Variants in CCSER2 observed in about 807,000 individuals in gnomAD.
The protein encoded by CCSER2 is serine-rich coiled-coil domain-containing protein 2.
A neutral mutation model predicts 92.3 loss-of-function variants in CCSER2; 46 were observed. That is an observed-to-expected ratio of 0.50 (90% CI 0.39 to 0.64). The LOEUF is 0.64. Among genes scored for constraint, CCSER2 ranks in the 30% least tolerant of loss-of-function variants. The pLI is 0.00. For missense variants in CCSER2, 1,244 were observed against 1,238.9 expected (o/e 1.00, Z -0.06); for synonymous variants, 433 against 431.4 (o/e 1.00, Z -0.04).
chr10:84,506,902 A>T (rs1051621280), intron 9 of CCSER2, among the ~76,000 whole-genome samples: 1 of 152,158 alleles, frequency 6.6e-6, no homozygotes, highest in African/African-American at 2.4e-5. Context: ...CCTCCTTCAT[A>T]AGAGGTTACT....
chr10:84,409,620 A>G (rs1483773296), intron 3 of CCSER2, among the ~76,000 whole-genome samples: 1 of 151,982 alleles, frequency 6.6e-6, no homozygotes, highest in Non-Finnish European at 1.5e-5. Context: ...TCTTTAACAC[A>G]GAACTATGTT....
intron 8 of CCSER2, among the ~76,000 whole-genome samples, chr10:84,472,209 C>T (rs1234229934): frequency 1.3e-5 from 2 of 152,044 alleles, no homozygotes; most frequent in African/African-American, 4.8e-5. Context: ...AAAGCAAAAT[C>T]CAGTAACTTG....
chr10:84,447,742 A>G (rs764171927), intron 6 of CCSER2, among the ~76,000 whole-genome samples: 2 of 152,022 alleles, frequency 1.3e-5, no homozygotes, highest in Non-Finnish European at 1.5e-5. Flanking sequence ...GTCCACTTTT[A>G]TTTGTTTTTA....
At position 84,508,267 on chromosome 10, in the gene CCSER2, G is replaced by A. The variant is rs548727558; in HGVS notation, c.2326-5182G>A. Among the ~76,000 whole-genome samples the A allele has an allele frequency of 2.0e-5, 3 of 152,282 alleles. No individual in the cohort carries two copies. The South Asian group carries it at 6.2e-4, about 32-fold the overall frequency. ...AGAGATCATGCATGCAGACTCAAGA[G>A]TTTGAATCTATACCCTTGGAAAGAA... On this transcript the variant is annotated intron_variant, in intron 9 of 9. Transcript: ENST00000372088.
chr10:84,387,574 G>C (rs995040613), intron 3 of CCSER2, among the ~76,000 whole-genome samples: 1 of 151,890 alleles, frequency 6.6e-6, no homozygotes, highest in Non-Finnish European at 1.5e-5. Flanking sequence ...TGTGGCCCAG[G>C]CTGGAGTGCA....
At chr10:84,485,957 T>C (rs1282760402) in intron 9 of CCSER2, among the ~76,000 whole-genome samples, 1 of 152,190 alleles carries the variant, frequency 6.6e-6, no homozygotes, top group Non-Finnish European at 1.5e-5. Context: ...AGTGTTCTCA[T>C]TGTTCAATTC....
At chr10:84,422,696 G>C (rs1411710133) in intron 4 of CCSER2, among the ~76,000 whole-genome samples, 1 of 152,060 alleles carries the variant, frequency 6.6e-6, no homozygotes, top group Non-Finnish European at 1.5e-5. Flanking sequence ...ATTCCTTATG[G>C]TATTACACAC....
chr10:84,365,469 A>G (rs1447170702), intron 1 of CCSER2, among the ~76,000 whole-genome samples: 4 of 152,258 alleles, frequency 2.6e-5, no homozygotes, highest in Non-Finnish European at 5.9e-5. Context: ...TAAACTTCAT[A>G]GTGGAGCTGT....
chr10:84,466,065 T>C (rs949304540), intron 7 of CCSER2, among the ~76,000 whole-genome samples: 3 of 152,212 alleles, frequency 2.0e-5, no homozygotes, highest in Non-Finnish European at 4.4e-5. Flanking sequence ...TTACACAGTA[T>C]TTATTTCTTG....
chr10:84,437,064 A>G (rs1211596950), intron 5 of CCSER2, among the ~76,000 whole-genome samples: 1 of 152,038 alleles, frequency 6.6e-6, no homozygotes, highest in Non-Finnish European at 1.5e-5. Flanking sequence ...TTATTTCTTG[A>G]AATTTTGCTA....
intron 9 of CCSER2, among the ~76,000 whole-genome samples, chr10:84,489,106 G>A (rs1442845503): frequency 6.6e-6 from 1 of 152,188 alleles, no homozygotes; most frequent in Non-Finnish European, 1.5e-5. Context: ...CTGAGAGACT[G>A]TTTGTTATAG....
At chr10:84,399,639 C>T (rs1842013246) in intron 3 of CCSER2, among the ~76,000 whole-genome samples, 1 of 152,024 alleles carries the variant, frequency 6.6e-6, no homozygotes, top group Non-Finnish European at 1.5e-5. Flanking sequence ...TCTTTTAAAT[C>T]TGGAAAATGT....
intron 3 of CCSER2, among the ~76,000 whole-genome samples, chr10:84,405,388 A>G (rs531589197): frequency 2.0e-4 from 30 of 152,324 alleles, no homozygotes; most frequent in African/African-American, 6.0e-4. Context: ...TTAAAATACT[A>G]TGACCTGGAG....
chr10:84,379,646 C>T (rs955142304), intron 3 of CCSER2, among the ~76,000 whole-genome samples: 2 of 152,010 alleles, frequency 1.3e-5, no homozygotes, highest in African/African-American at 4.8e-5. Context: ...ATTGTGAATT[C>T]TAAGGCATGT....
At chr10:84,432,436 C>G (rs750096885) in intron 5 of CCSER2, among the ~76,000 whole-genome samples, 17 of 152,168 alleles carry the variant, frequency 1.1e-4, no homozygotes, top group Non-Finnish European at 2.4e-4. Context: ...TCCCCAGCGT[C>G]TGTGTTACCA....
chr10:84,354,459 C>G (rs1355854280), intron 1 of CCSER2, among the ~76,000 whole-genome samples: 1 of 152,110 alleles, frequency 6.6e-6, no homozygotes, highest in Non-Finnish European at 1.5e-5. Flanking sequence ...TTTGACACTA[C>G]TGCTTGTTAT....
intron 5 of CCSER2, among the ~76,000 whole-genome samples, chr10:84,434,665 ATAT>A (rs541535185): frequency 9.0e-4 from 137 of 152,284 alleles, no homozygotes; most frequent in African/African-American, 3.1e-3. Context: ...AAACTTAATA[ATAT>A]TATAGTAAGT....
intron 6 of CCSER2, among the ~76,000 whole-genome samples, chr10:84,460,949 AT>A (rs1469184296): frequency 1.3e-5 from 2 of 151,266 alleles, no homozygotes; most frequent in Non-Finnish European, 3.0e-5. Context: ...GTGTTTTTTA[AT>A]TTTCAGTTTC....
rs191893165 is a variant in CCSER2, at chr10:84,453,115, C to T, written c.2065-10818C>T. ...ATTAATAACTTAAACACTAGTAACT[C>T]CTAGTTGTCTTGGGCTGTCCCATGC... On this transcript the variant is annotated intron_variant, in intron 6 of 9. Transcript: ENST00000372088. Among the ~76,000 whole-genome samples, 56 of 152,044 alleles carry T rather than the reference C, an allele frequency of 3.7e-4. No individual in the cohort carries two copies. The East Asian group carries it at 5.8e-3, about 16-fold the overall frequency.
Sources: gnomAD v4.1 joint callset for allele counts (sites outside exome capture counted in the v4.1 genomes callset) on GRCh38, gnomAD v4.1.1 for gene constraint, MANE v1.5 for transcripts, NCBI Gene and HGNC (gene_info 2026-07-23, HGNC 2026-07-21) for gene names.